Variants in TTN observed in about 807,000 individuals in gnomAD.
TTN encodes the protein titin.
Under a neutral mutation model 3,223.0 loss-of-function variants are expected in TTN, and 1,525 were observed. The ratio of observed to expected loss-of-function variants is 0.47; its 90% confidence interval spans 0.45 to 0.49. The LOEUF (loss-of-function observed/expected upper bound fraction) is 0.49, where lower values mean the gene tolerates loss of function less well. Ranked by LOEUF, TTN falls within the 20% of genes least tolerant of loss-of-function variation. TTN has a pLI of 0.00. For synonymous variants in TTN, 14,094 were observed against 15,161.0 expected (o/e 0.93, Z 5.17); for missense variants, 40,786 against 43,424.0 (o/e 0.94, Z 5.40).
chr2:178,789,928 A>G, intron 12 of TTN, 50 bp downstream of exon 12: 1 of 1,608,804 alleles, frequency 6.2e-7, no homozygotes, highest in Non-Finnish European at 8.5e-7. Flanking sequence ...ATAGTTTACT[A>G]GAAATTAGTT....
intron 47 of TTN, chr2:178,751,702 C>T: frequency 3.7e-6 from 6 of 1,613,310 alleles, no homozygotes; most frequent in Non-Finnish European, 5.1e-6. Context: ...CCCTTTTAAT[C>T]TCTAAGCTGG....
rs2090974976 is a variant in TTN at position 178,768,761 on chromosome 2, C to A, written c.9075G>T (p.Leu3025=). 1.2e-6 allele frequency: 2 copies of A among 1,614,078 alleles called. No individual in the cohort carries two copies. The highest frequency in any genetic ancestry group is 1.3e-5 in the African/African-American group (1 of 75,036). ...QMRTKKLTHS[L]NIRNVHFGDA... ...CCCCAAAGTGAACATTCCTGATGTT[C>A]AGTGAGTGTGTGAGCTTTTTGGTTC... Residue 3025 remains leucine, a synonymous_variant, in exon 38 of 363, where the codon CTG becomes CTT. Transcript: ENST00000589042.
rs540043466 is a variant in TTN at position 178,545,904 on chromosome 2, A to G, written c.95332T>C (p.Tyr31778His). 6.2e-7 allele frequency: 1 copy of G among 1,613,832 alleles called. No homozygotes were observed. Among genetic ancestry groups the G allele is most frequent in the Non-Finnish European group, 8.5e-7 (1 of 1,179,790 alleles). ...TTTACTGCCCTCACTCGGAATATGT[A>G]CTCATTGTTCTTGATGAGCCTGGTA... ...VVTRLIKNNE[Y>H]IFRVRAVNKY... Residue 31778 changes from tyrosine to histidine, a missense_variant, in exon 343 of 363, where the codon TAC (tyrosine) becomes CAC (histidine). Tyr to His is a moderately conservative substitution (Grantham distance 83). Coordinates refer to ENST00000589042, the MANE Select transcript of TTN (RefSeq NM_001267550.2).
Position 178,597,563 on chromosome 2 carries a change from C to A in TTN, c.57519G>T (p.Lys19173Asn), listed in dbSNP as rs1009412718. 5 of 1,612,256 alleles carry A rather than the reference C, an allele frequency of 3.1e-6. No individual in the cohort carries two copies. The highest frequency in any genetic ancestry group is 1.6e-4 in the Middle Eastern group (1 of 6,070). The change falls in exon 294 of 363, where the codon AAG becomes AAT. Residue 19173 changes from lysine (K) to asparagine (N), a missense_variant. By Grantham distance (94) the Lys-to-Asn change is moderately conservative. Transcript: ENST00000589042. Reference protein sequence around the residue: ...LLAKNEAGERKKTIIVDVLDV... With the variant: ...LLAKNEAGERNKTIIVDVLDV... ...CTAATACATCAACAATAATTGTCTTCTTTCTTTCTCCGGCTTCATTTTTGG... is the reference window on the plus strand; with the variant it reads ...CTAATACATCAACAATAATTGTCTTATTTCTTTCTCCGGCTTCATTTTTGG...
At position 178,562,399 on chromosome 2, in the gene TTN, G is replaced by A. The variant is rs375442124; in HGVS notation, c.83733C>T (p.Ser27911=). Residue 27911 remains serine, a synonymous_variant, in exon 326 of 363, where the codon AGC becomes AGT. Transcript: ENST00000589042. ...CTAGAGTCTTAACTTGTGTGCAGGT[G>A]CTCCACTTTTCACTCCCTTTAGTCT... ...EMQTKGSEKW[S]TCTQVKTLEA... The A allele has an allele frequency of 6.9e-5, 111 of 1,611,770 alleles. No individual in the cohort carries two copies. Among genetic ancestry groups the A allele is most frequent in the East Asian group, 1.1e-4 (5 of 44,802 alleles).
rs1346750334 is a variant in TTN, at chr2:178,542,969, C to T, written c.96905-20G>A. On this transcript the variant is annotated intron_variant, in intron 347 of 362. Coordinates refer to ENST00000589042, the MANE Select transcript of TTN (RefSeq NM_001267550.2). Reference sequence around the variant, plus strand: ...GCAACACTATGGGAAAGAAATCAGGCATTTATTCTTAAGCATTATTTTTAT... The same window carrying T: ...GCAACACTATGGGAAAGAAATCAGGTATTTATTCTTAAGCATTATTTTTAT... The T allele has an allele frequency of 2.6e-6, 4 of 1,562,156 alleles. No homozygotes were observed. Among genetic ancestry groups the T allele is most frequent in the African/African-American group, 1.4e-5 (1 of 72,650 alleles).
At chr2:178,774,147 T>A (rs1305765175) in intron 30 of TTN, 37 bp from the exon 31 acceptor site, 11 of 1,614,056 alleles carry the variant, frequency 6.8e-6, no homozygotes, top group Non-Finnish European at 8.5e-6. Flanking sequence ...GTTATGATCA[T>A]TTTTTATCAA....
chr2:178,569,841 A>G lies in TTN; in HGVS notation c.76291T>C (p.Tyr25431His). The change falls in exon 326 of 363, where the codon TAT becomes CAT. Residue 25431 changes from tyrosine to histidine, a missense_variant. Tyr to His is a moderately conservative substitution (Grantham distance 83). Coordinates refer to ENST00000589042, the MANE Select transcript of TTN (RefSeq NM_001267550.2). Reference protein sequence around the residue: ...SVFLSWSKPIYDGGCEIQGYI... With the variant: ...SVFLSWSKPIHDGGCEIQGYI... ...CCTTGAATTTCACAGCCACCATCAT[A>G]TATTGGTTTGCTCCAAGAAAGGAAT... 12 of 1,613,478 alleles carry G rather than the reference A, an allele frequency of 7.4e-6. No homozygotes were observed. Among genetic ancestry groups the G allele is most frequent in the Non-Finnish European group, 1.0e-5 (12 of 1,179,634 alleles).
chr2:178,722,109 G>C lies in TTN; in HGVS notation c.22554C>G (p.Asp7518Glu). The change falls in exon 78 of 363, where the codon GAC (aspartate) becomes GAG (glutamate). Residue 7518 changes from aspartate to glutamate, a missense_variant. Asp to Glu is a conservative substitution (Grantham distance 45). Coordinates refer to ENST00000589042, the MANE Select transcript of TTN (RefSeq NM_001267550.2). ...AREPKKSPFF[D>E]IKPVSIDVIA... Reference sequence around the variant, plus strand: ...TAACATCTATAGATACAGGCTTGATGTCAAAGAAGGGAGATTTCTTGGGTT... The same window carrying C: ...TAACATCTATAGATACAGGCTTGATCTCAAAGAAGGGAGATTTCTTGGGTT... The C allele has an allele frequency of 6.3e-7, 1 of 1,574,980 alleles. No homozygotes were observed. The highest frequency in any genetic ancestry group is 1.2e-5 in the South Asian group (1 of 83,808).
chr2:178,795,166 G>A lies in TTN; in HGVS notation c.1001C>T (p.Thr334Ile), dbSNP rs1042860959. 1 of 1,614,172 alleles carries A rather than the reference G, an allele frequency of 6.2e-7. No homozygotes were observed. Among genetic ancestry groups the A allele is most frequent in the Non-Finnish European group, 8.5e-7 (1 of 1,180,014 alleles). Residue 334 changes from threonine (T) to isoleucine (I), a missense_variant, in exon 7 of 363, where the codon ACC (threonine) becomes ATC (isoleucine). Physicochemically the swap from Thr to Ile is moderately conservative, Grantham distance 89 (BLOSUM62 -1). Transcript: ENST00000589042. The part of the protein sequence containing the change: ...PLLMRKTQAS[T>I]VATGPEVPPP... ...AGGCACTTCAGGACCTGTGGCCACG[G>A]TGGATGCCTGAGTCTTACGCATGAG...
intron 7 of TTN, 63 bp downstream of exon 7, chr2:178,794,859 C>T: frequency 6.3e-7 from 1 of 1,578,508 alleles, no homozygotes; most frequent in South Asian, 1.1e-5. Flanking sequence ...AGTTTCATGG[C>T]AGAAATCCAG....
chr2:178,543,589 A>G lies in TTN; in HGVS notation c.96384T>C (p.Ile32128=), dbSNP rs757368075. 15 of 1,607,552 alleles carry G rather than the reference A, an allele frequency of 9.3e-6. No individual in the cohort carries two copies. The Admixed American group carries it at 1.7e-4, about 18-fold the overall frequency. ...SRDSVTITWE[I]PTIDGGAPVN... ...CTGGAGCTCCACCATCAATCGTGGG[A>G]ATTTCCCAAGTTATAGTCACAGAAT... The change falls in exon 347 of 363, where the codon ATT becomes ATC. Residue 32128 remains isoleucine, a synonymous_variant. Coordinates refer to ENST00000589042, the MANE Select transcript of TTN (RefSeq NM_001267550.2).
Position 178,634,404 on chromosome 2 carries a change from A to T in TTN, c.42377T>A (p.Val14126Glu), listed in dbSNP as rs1489018462. 1.2e-5 allele frequency: 20 copies of T among 1,611,082 alleles called. No homozygotes were observed. Among genetic ancestry groups the T allele is most frequent in the Non-Finnish European group, 1.5e-5 (18 of 1,179,054 alleles). Residue 14126 changes from valine to glutamate, a missense_variant, in exon 230 of 363, where the codon GTG (valine) becomes GAG (glutamate). By Grantham distance (121) the Val-to-Glu change is moderately radical. Transcript: ENST00000589042. The surrounding 1 kb of genome is among the most constrained non-coding windows in gnomAD (Gnocchi z 4.6). Reference protein sequence around the residue: ...FDDEGVYTAEVEGKKTSARLF... With the variant: ...FDDEGVYTAEEEGKKTSARLF... ...CCGAGCTGAGGTCTTCTTGCCCTCC[A>T]CCTCAGCAGTATAGACCCCTTCATC...
chr2:178,652,324 C>T lies in TTN; in HGVS notation c.39151G>A (p.Val13051Ile). ...GGCACTGGCACTTTCTTTTCAGGAA[C>T]AACTTCTTTGGGAGCCTCAGGCACT... ...VKVPEAPKEV[V>I]PEKKVPVPPP... Residue 13051 changes from valine (V) to isoleucine (I), a missense_variant, in exon 203 of 363, where the codon GTT (valine) becomes ATT (isoleucine). Physicochemically the swap from Val to Ile is conservative, Grantham distance 29 (BLOSUM62 3). Transcript: ENST00000589042. 6.2e-7 allele frequency: 1 copy of T among 1,613,758 alleles called. No homozygotes were observed. The highest frequency in any genetic ancestry group is 8.5e-7 in the Non-Finnish European group (1 of 1,179,700).
Position 178,563,554 on chromosome 2 carries a change from A to G in TTN, c.82578T>C (p.Asp27526=). The change falls in exon 326 of 363, where the codon GAT becomes GAC. Residue 27526 remains aspartate (D), a synonymous_variant. Coordinates refer to ENST00000589042, the MANE Select transcript of TTN (RefSeq NM_001267550.2). This position sits in a 1 kb window ranked among gnomAD's most constrained non-coding sequence, Gnocchi z 4.5. ...TAAGACCAGTTACCCTGAGCCGCAG[A>G]TCCGTTAATGTTTTCTTGTTGCACT... The part of the protein sequence containing the change: ...WTKCNKKTLT[D]LRLRVTGLTE... The G allele has an allele frequency of 6.2e-7, 1 of 1,613,776 alleles. No individual in the cohort carries two copies. Among genetic ancestry groups the G allele is most frequent in the Non-Finnish European group, 8.5e-7 (1 of 1,179,762 alleles).
chr2:178,715,899 C>A, intron 88 of TTN, 125 bp from the exon 89 acceptor site: 1 of 911,948 alleles, frequency 1.1e-6, no homozygotes, highest in South Asian at 2.2e-5. Context: ...TTATGCAGTT[C>A]AAGGAAGAAG....
intron 313 of TTN, 161 bp from the exon 314 acceptor site, chr2:178,582,753 G>A (rs1178492825): frequency 4.4e-6 from 4 of 915,616 alleles, no homozygotes; most frequent in African/African-American, 1.7e-5. Flanking sequence ...GTAAAATTAG[G>A]TAATTGAAAT....
rs547376276 is a variant in TTN, at chr2:178,539,962, A to G, written c.98103T>C (p.Tyr32701=). The G allele has an allele frequency of 2.5e-6, 4 of 1,610,906 alleles. No individual in the cohort carries two copies. In the South Asian group the frequency reaches 4.4e-5, roughly 18 times the overall value. The part of the protein sequence containing the change: ...GTVKVTEMLE[Y]PDYELDERYQ... ...ATCTTTCATCAAGTTCATAATCAGG[A>G]TATTCTGGAAAAAAAGGTAGGGTTT... Residue 32701 remains tyrosine, a synonymous_variant, in exon 352 of 363, where the codon TAT becomes TAC. Coordinates refer to ENST00000589042, the MANE Select transcript of TTN (RefSeq NM_001267550.2).
In TTN at chr2:178,553,505, G is replaced by T. The variant is rs761591533; in HGVS notation, c.89500C>A (p.Leu29834Ile). ...AATCAAACCAGTAGGTACATACCAA[G>T]TATATCTTTAGCTTGTACAGGTTCA... ...MNEPVQAKDILEAPEIDLDVA... is the reference protein window; with the variant it reads ...MNEPVQAKDIIEAPEIDLDVA... Residue 29834 changes from leucine to isoleucine, a missense_variant, in exon 334 of 363, where the codon CTT (leucine) becomes ATT (isoleucine). Coordinates refer to ENST00000589042, the MANE Select transcript of TTN (RefSeq NM_001267550.2). 24 of 1,607,786 alleles carry T rather than the reference G, an allele frequency of 1.5e-5. No individual in the cohort carries two copies. The Admixed American group carries it at 2.7e-4, about 18-fold the overall frequency.
Sources: allele counts gnomAD v4.1 joint callset, GRCh38; gene constraint gnomAD v4.1.1; non-coding constraint Gnocchi (gnomAD v3.1); transcripts MANE v1.5; gene names NCBI Gene and HGNC (gene_info 2026-07-23, HGNC 2026-07-21).